PCSK2: variants seen among roughly 807,000 people sequenced by gnomAD.
PCSK2 encodes neuroendocrine convertase 2.
In PCSK2, 14 loss-of-function variants were observed where a neutral mutation model predicts 69.7. The ratio of observed to expected loss-of-function variants is 0.20; its 90% CI spans 0.13 to 0.31. The LOEUF (loss-of-function observed/expected upper bound fraction) is 0.31, where lower values mean the gene tolerates loss of function less well. Among genes scored for constraint, PCSK2 ranks in the 10% least tolerant of loss-of-function variants. PCSK2 has a pLI of 1.00. For synonymous variants in PCSK2, 307 were observed against 320.7 expected (o/e 0.96, Z 0.46); for missense variants, 544 against 842.5 (o/e 0.65, Z 4.39).
chr20:17,296,357 C>T (rs192125915), intron 2 of PCSK2, among the ~76,000 whole-genome samples: 353 of 152,300 alleles, frequency 2.3e-3, no homozygotes, highest in Non-Finnish European at 3.8e-3. Context: ...ATAAGTTGTT[C>T]TTATCTAAAA....
intron 2 of PCSK2, among the ~76,000 whole-genome samples, chr20:17,316,655 A>G (rs1276997598): frequency 2.0e-5 from 3 of 152,238 alleles, no homozygotes; most frequent in African/African-American, 7.2e-5. Context: ...TCCTATAAAA[A>G]GTTAGAATAA....
At chr20:17,261,937 G>A (rs1191276871) in intron 2 of PCSK2, among the ~76,000 whole-genome samples, 2 of 152,214 alleles carry the variant, frequency 1.3e-5, no homozygotes, top group Non-Finnish European at 2.9e-5. Context: ...TAAACTGGGG[G>A]CAGAATGAAA....
Position 17,482,014 on chromosome 20 carries a change from G to C in PCSK2, c.1861G>C (p.Glu621Gln), listed in dbSNP as rs1479725291. ...CATGTCCAAGAAAGAGGAGCTGGAG[G>C]AAGAGCTGGACGAAGCCGTGGAGAG... ...LAMSKKEELE[E>Q]ELDEAVERSL... The change falls in exon 12 of 12, where the codon GAA becomes CAA. Residue 621 changes from glutamate to glutamine, a missense_variant. This residue lies in a region of PCSK2 where 200 missense variants were observed against 287.8 expected (regional missense o/e 0.69). Coordinates refer to ENST00000262545, the MANE Select transcript of PCSK2 (RefSeq NM_002594.5). 1.9e-6 allele frequency: 3 copies of C among 1,611,668 alleles called. No homozygotes were observed. Among genetic ancestry groups the C allele is most frequent in the Non-Finnish European group, 2.5e-6 (3 of 1,179,550 alleles).
At chr20:17,470,236 A>G (rs2033176853) in intron 11 of PCSK2, among the ~76,000 whole-genome samples, 1 of 152,218 alleles carries the variant, frequency 6.6e-6, no homozygotes, top group South Asian at 2.1e-4. Context: ...GTCCAATACA[A>G]TAGCTTGTGG....
chr20:17,405,889 C>A (rs188976997), intron 5 of PCSK2, among the ~76,000 whole-genome samples: 113 of 152,312 alleles, frequency 7.4e-4, no homozygotes, highest in Non-Finnish European at 1.0e-3. Context: ...ATCAACCCAA[C>A]CTTCTCACTT....
chr20:17,322,494 G>A (rs1251640313), intron 2 of PCSK2, among the ~76,000 whole-genome samples: 1 of 152,212 alleles, frequency 6.6e-6, no homozygotes, highest in Non-Finnish European at 1.5e-5. Context: ...TCATATGGTT[G>A]AGCCCTAATC....
intron 4 of PCSK2, among the ~76,000 whole-genome samples, chr20:17,367,858 G>A (rs1025930505): frequency 3.9e-5 from 6 of 152,282 alleles, no homozygotes; most frequent in African/African-American, 1.2e-4. Context: ...AAAAATATTT[G>A]TCTTTAAATA....
intron 2 of PCSK2, among the ~76,000 whole-genome samples, chr20:17,337,723 G>A (rs1303593001): frequency 1.3e-5 from 2 of 151,964 alleles, no homozygotes; most frequent in Non-Finnish European, 2.9e-5. Context: ...TCAGGAGTTG[G>A]AGACTAGCCT....
At chr20:17,358,214 C>T in intron 2 of PCSK2, 113 bp from the exon 3 acceptor site, 1 of 657,080 alleles carries the variant, frequency 1.5e-6, no homozygotes, top group African/African-American at 1.8e-5. Context: ...TTGCTTTTGC[C>T]AAAGAAAAAA....
chr20:17,273,577 G>A (rs1273336394), intron 2 of PCSK2, among the ~76,000 whole-genome samples: 3 of 152,038 alleles, frequency 2.0e-5, no homozygotes, highest in Non-Finnish European at 2.9e-5. Flanking sequence ...TTCTCTACTT[G>A]TTTTCCTTGC....
At position 17,483,890 on chromosome 20, in the gene PCSK2, G is replaced by A. The variant is rs1047563769; in HGVS notation, c.*1820G>A. The A allele has an allele frequency of 1.4e-4, 22 of 152,508 alleles. No individual in the cohort carries two copies. The highest frequency in any genetic ancestry group is 1.1e-3 in the Admixed American group (17 of 15,256). The allele number at this position is 152,508 out of a possible 1,614,324, so 9.4% of individuals were successfully genotyped here. Reference sequence around the variant, plus strand: ...ACATTATGTGTGCATGTGTGTATAAGTGCACACAGAAATATATATACATAT... The same window carrying A: ...ACATTATGTGTGCATGTGTGTATAAATGCACACAGAAATATATATACATAT... On this transcript the variant is annotated 3_prime_UTR_variant, in exon 12 of 12. Coordinates refer to ENST00000262545, the MANE Select transcript of PCSK2 (RefSeq NM_002594.5).
intron 1 of PCSK2, among the ~76,000 whole-genome samples, chr20:17,230,558 A>G (rs1223798642): frequency 1.3e-5 from 2 of 152,178 alleles, no homozygotes; most frequent in Non-Finnish European, 2.9e-5. Flanking sequence ...TTCCCTTGAG[A>G]CACAATTTTA....
intron 1 of PCSK2, among the ~76,000 whole-genome samples, chr20:17,234,291 C>T (rs890962266): frequency 9.9e-5 from 15 of 152,188 alleles, no homozygotes; most frequent in Admixed American, 9.8e-4. Context: ...ACCCATTCTA[C>T]ACACTGTTCT....
intron 5 of PCSK2, among the ~76,000 whole-genome samples, chr20:17,391,726 G>A (rs1349397386): frequency 6.6e-6 from 1 of 152,038 alleles, no homozygotes; most frequent in Non-Finnish European, 1.5e-5. Flanking sequence ...CATTAGCTAT[G>A]TATGGTGACA....
At chr20:17,324,645 A>C (rs967568323) in intron 2 of PCSK2, among the ~76,000 whole-genome samples, 12 of 152,034 alleles carry the variant, frequency 7.9e-5, no homozygotes, top group African/African-American at 2.7e-4. Flanking sequence ...TACTCCCCCT[A>C]CTGCTGAATG....
intron 7 of PCSK2, among the ~76,000 whole-genome samples, chr20:17,430,169 T>C (rs989601783): frequency 2.6e-5 from 4 of 151,804 alleles, no homozygotes; most frequent in African/African-American, 4.8e-5. Context: ...GAAATAAGAG[T>C]GGCAAGTCAC....
intron 6 of PCSK2, among the ~76,000 whole-genome samples, chr20:17,426,331 C>T (rs769908751): frequency 2.0e-5 from 3 of 152,180 alleles, no homozygotes; most frequent in Non-Finnish European, 4.4e-5. Context: ...TTTCCTAAGG[C>T]CTCCCAAGCA....
intron 1 of PCSK2, among the ~76,000 whole-genome samples, chr20:17,254,864 T>C (rs1200105581): frequency 1.3e-5 from 2 of 152,252 alleles, no homozygotes; most frequent in African/African-American, 4.8e-5. Flanking sequence ...CTTTGTACTT[T>C]TCAGTGTATA....
chr20:17,371,286 A>G (rs1208944433), intron 5 of PCSK2, among the ~76,000 whole-genome samples: 2 of 152,146 alleles, frequency 1.3e-5, no homozygotes, highest in Admixed American at 6.5e-5. Context: ...TCCAGCTGCC[A>G]GATTCGAAAA....
Sources: allele counts gnomAD v4.1 joint callset (sites outside exome capture counted in the v4.1 genomes callset), GRCh38; gene constraint gnomAD v4.1.1; regional missense constraint gnomAD v4.1.1; transcripts MANE v1.5; gene names NCBI Gene and HGNC (gene_info 2026-07-23, HGNC 2026-07-21).